MBNL2: variants seen among roughly 807,000 people sequenced by gnomAD.
MBNL2 encodes muscleblind-like protein 2.
Under a neutral mutation model 41.9 loss-of-function variants are expected in MBNL2, and 17 were observed. The observed-to-expected ratio is 0.41, with a 90% CI of 0.28 to 0.61. The LOEUF is 0.61. Among genes scored for constraint, MBNL2 ranks in the 20% least tolerant of loss-of-function variants. MBNL2 has a pLI of 0.35. For synonymous variants in MBNL2, 195 were observed against 182.9 expected (o/e 1.07, Z -0.53); for missense variants, 336 against 505.6 (o/e 0.66, Z 3.22).
the MBNL2 span, chr13:97,173,005 G>T: frequency 6.6e-6 from 1 of 152,132 alleles, no homozygotes; most frequent in Non-Finnish European, 1.5e-5. Context: ...AACTCACTGG[G>T]GTTCTTCGTC....
At chr13:97,233,674 G>GTTT (rs1178454100) in intron 1 of MBNL2, among the ~76,000 whole-genome samples, 1 of 143,194 alleles carries the variant, frequency 7.0e-6, no homozygotes, top group Non-Finnish European at 1.5e-5. Context: ...GAGTTTCCCT[G>GTTT]TTTTTTTTTT....
chr13:97,361,924 C>T (rs59441671), intron 7 of MBNL2, among the ~76,000 whole-genome samples: 1,815 of 151,822 alleles, frequency 0.012, 33 homozygotes, highest in African/African-American at 0.042. Context: ...CGTCTGCCAT[C>T]ACACCTGGCT....
At chr13:97,280,023 A>T (rs190566636) in intron 2 of MBNL2, among the ~76,000 whole-genome samples, 3 of 152,270 alleles carry the variant, frequency 2.0e-5, no homozygotes, top group Admixed American at 2.0e-4. Flanking sequence ...TTGTTTAATG[A>T]TTTTTCTGGA....
chr13:97,186,042 C>T, the MBNL2 span, among the ~76,000 whole-genome samples: 4 of 152,210 alleles, frequency 2.6e-5, no homozygotes, highest in Non-Finnish European at 5.9e-5. Context: ...AGATTGCCCT[C>T]AGCCTAGATG....
At chr13:97,339,040 T>C (rs72637471) in intron 3 of MBNL2, among the ~76,000 whole-genome samples, 42,056 of 105,272 alleles carry the variant, frequency 0.4, 6,092 homozygotes, top group Middle Eastern at 0.46. Context: ...GTAGTTAGTG[T>C]ATATGTGCAA....
chr13:97,146,332 A>C, the MBNL2 span, among the ~76,000 whole-genome samples: 1 of 152,120 alleles, frequency 6.6e-6, no homozygotes, highest in African/African-American at 2.4e-5. Context: ...TTTGCCAACA[A>C]CAGATCCAGT....
the MBNL2 span, among the ~76,000 whole-genome samples, chr13:97,196,851 G>A: frequency 6.6e-6 from 1 of 152,218 alleles, no homozygotes; most frequent in South Asian, 2.1e-4. Context: ...GCCACCATAT[G>A]GTTCTGAAGA....
At chr13:97,282,385 G>A (rs1291581449) in intron 2 of MBNL2, among the ~76,000 whole-genome samples, 1 of 152,018 alleles carries the variant, frequency 6.6e-6, no homozygotes, top group Non-Finnish European at 1.5e-5. Flanking sequence ...AAAAACCATT[G>A]TAAAATAGAA....
the MBNL2 span, among the ~76,000 whole-genome samples, chr13:97,151,534 C>T: frequency 6.6e-6 from 1 of 152,148 alleles, no homozygotes; most frequent in Non-Finnish European, 1.5e-5. Flanking sequence ...TAGTCATTGC[C>T]AATTGCAGTG....
At chr13:97,148,613 G>T in the MBNL2 span, among the ~76,000 whole-genome samples, 4 of 151,968 alleles carry the variant, frequency 2.6e-5, no homozygotes, top group African/African-American at 9.7e-5. Flanking sequence ...GCTGTGAAAC[G>T]AAAACTACTC....
At chr13:97,278,553 G>A (rs755987833) in intron 2 of MBNL2, among the ~76,000 whole-genome samples, 19 of 152,142 alleles carry the variant, frequency 1.2e-4, no homozygotes, top group African/African-American at 9.7e-5. Flanking sequence ...CTAGATCCTT[G>A]TTATTCATCA....
At chr13:97,240,922 T>C (rs567524916) in intron 1 of MBNL2, among the ~76,000 whole-genome samples, 1 of 152,240 alleles carries the variant, frequency 6.6e-6, no homozygotes, top group African/African-American at 2.4e-5. Flanking sequence ...TGTTTTTAGG[T>C]TGTTCAAGCA....
At chr13:97,290,133 A>T (rs939660645) in intron 2 of MBNL2, among the ~76,000 whole-genome samples, 1 of 152,200 alleles carries the variant, frequency 6.6e-6, no homozygotes, top group Non-Finnish European at 1.5e-5. Flanking sequence ...CCAATTCTTG[A>T]ATCACTATTT....
chr13:97,169,576 C>T, the MBNL2 span, among the ~76,000 whole-genome samples: 8 of 152,134 alleles, frequency 5.3e-5, no homozygotes, highest in Non-Finnish European at 7.4e-5. Flanking sequence ...ATTCTGAAAG[C>T]GTTTTGTGTT....
At chr13:97,191,810 G>A in the MBNL2 span, among the ~76,000 whole-genome samples, 1 of 152,212 alleles carries the variant, frequency 6.6e-6, no homozygotes, top group Non-Finnish European at 1.5e-5. Context: ...GGAAGGGGGA[G>A]CCCTCTGCAG....
chr13:97,379,013 G>A (rs954885719), intron 8 of MBNL2, among the ~76,000 whole-genome samples: 3 of 151,962 alleles, frequency 2.0e-5, no homozygotes, highest in Non-Finnish European at 4.4e-5. Flanking sequence ...TGCAAATCCT[G>A]TTCTTTTGTG....
intron 2 of MBNL2, among the ~76,000 whole-genome samples, 156 bp downstream of exon 2, chr13:97,276,565 A>C (rs945805344): frequency 2.6e-5 from 4 of 152,172 alleles, no homozygotes; most frequent in Non-Finnish European, 5.9e-5. Flanking sequence ...AAATTTTTTC[A>C]TATCAGGCAT....
the MBNL2 span, among the ~76,000 whole-genome samples, chr13:97,205,364 T>A: frequency 1.3e-5 from 2 of 151,424 alleles, no homozygotes; most frequent in East Asian, 3.9e-4. Context: ...CACTCTAGCC[T>A]GGGTGACAGA....
chr13:97,170,118 A>G, the MBNL2 span, among the ~76,000 whole-genome samples: 4 of 152,130 alleles, frequency 2.6e-5, no homozygotes, highest in East Asian at 7.7e-4. Context: ...GACCCCTTTC[A>G]GTTTTTTGTG....
Sources: gnomAD v4.1 joint callset for allele counts (sites outside exome capture counted in the v4.1 genomes callset) on GRCh38, gnomAD v4.1.1 for gene constraint, MANE v1.5 for transcripts, NCBI Gene and HGNC (gene_info 2026-07-23, HGNC 2026-07-21) for gene names.